The following SYT14 variants were observed in gnomAD, a reference collection of about 807,000 sequenced individuals.
SYT14 encodes synaptotagmin-14.
Under a neutral mutation model 74.2 loss-of-function variants are expected in SYT14, and 32 were observed. The ratio of observed to expected loss-of-function variants is 0.43; its 90% confidence interval spans 0.33 to 0.58. The LOEUF is 0.58. Among genes scored for constraint, SYT14 ranks in the 20% least tolerant of loss-of-function variants. SYT14 has a pLI of 0.05. For missense variants in SYT14, 791 were observed against 981.8 expected (o/e 0.81, Z 2.60); for synonymous variants, 298 against 337.7 (o/e 0.88, Z 1.29).
chr1:210,112,879 C>G (rs964329026), intron 7 of SYT14, among the ~76,000 whole-genome samples: 1 of 151,192 alleles, frequency 6.6e-6, no homozygotes, highest in Non-Finnish European at 1.5e-5. Flanking sequence ...AGAGTGAGGG[C>G]TCGAGTCAAG....
At chr1:209,979,144 TG>T (rs2079430381) in intron 2 of SYT14, among the ~76,000 whole-genome samples, 1 of 152,198 alleles carries the variant, frequency 6.6e-6, no homozygotes, top group East Asian at 1.9e-4. Flanking sequence ...CCTGACCCCT[TG>T]CGCTTCCTGG....
chr1:210,073,737 A>G (rs554255079), intron 5 of SYT14, among the ~76,000 whole-genome samples: 1 of 151,376 alleles, frequency 6.6e-6, no homozygotes, highest in Non-Finnish European at 1.5e-5. Context: ...GTTCTTTTCT[A>G]CTTCATAAAA....
intron 2 of SYT14, among the ~76,000 whole-genome samples, chr1:210,010,310 T>C (rs777285360): frequency 2.6e-5 from 4 of 152,134 alleles, no homozygotes; most frequent in Non-Finnish European, 5.9e-5. Flanking sequence ...ATTCATTCAT[T>C]CATCCATCCA....
chr1:210,009,547 C>A (rs1232571330), intron 2 of SYT14, among the ~76,000 whole-genome samples: 9 of 151,276 alleles, frequency 5.9e-5, no homozygotes, highest in Admixed American at 5.9e-4. Flanking sequence ...ATGTATTTAT[C>A]TAAAGATATG....
intron 5 of SYT14, among the ~76,000 whole-genome samples, chr1:210,086,990 C>A (rs2081747261): frequency 6.6e-6 from 1 of 152,124 alleles, no homozygotes; most frequent in African/African-American, 2.4e-5. Context: ...GCACACATGC[C>A]CCCTTCACTC....
exon 10 of SYT14, chr1:210,162,942 TAAAC>T (rs1248651920): frequency 4.0e-5 from 18 of 451,918 alleles, no homozygotes; most frequent in Non-Finnish European, 7.1e-5. Context: ...ATTTTTCAAA[TAAAC>T]AAGTAAGAGT....
At chr1:209,985,390 C>T (rs560858525) in intron 2 of SYT14, among the ~76,000 whole-genome samples, 5 of 152,248 alleles carry the variant, frequency 3.3e-5, no homozygotes, top group Non-Finnish European at 5.9e-5. Context: ...TTTGACTCCA[C>T]GTCCTATATT....
At chr1:209,979,221 C>G (rs1306238609) in intron 2 of SYT14, among the ~76,000 whole-genome samples, 3 of 152,198 alleles carry the variant, frequency 2.0e-5, no homozygotes, top group East Asian at 1.9e-4. Context: ...CCTGCACCCA[C>G]TTTCTGACAC....
intron 5 of SYT14, among the ~76,000 whole-genome samples, chr1:210,078,359 G>A (rs1426336711): frequency 2.1e-5 from 3 of 145,008 alleles, no homozygotes; most frequent in South Asian, 4.5e-4. Flanking sequence ...TCAGGGAACT[G>A]TAAATGGCCT....
At chr1:209,996,732 TC>T in intron 2 of SYT14, among the ~76,000 whole-genome samples, 1 of 152,180 alleles carries the variant, frequency 6.6e-6, no homozygotes, top group South Asian at 2.1e-4. Flanking sequence ...TACTAGCAAA[TC>T]TAATTCAGCA....
At chr1:210,047,092 A>G (rs566011162) in intron 5 of SYT14, among the ~76,000 whole-genome samples, 2 of 152,218 alleles carry the variant, frequency 1.3e-5, no homozygotes, top group Admixed American at 6.5e-5. Context: ...GTATAGTTAA[A>G]TAATTATTCT....
At position 210,065,319 on chromosome 1, in the gene SYT14, T is replaced by C. The variant is rs1336764784; in HGVS notation, c.1313-29003T>C. Among the ~76,000 whole-genome samples, 3 of 152,176 alleles carry C rather than the reference T, an allele frequency of 2.0e-5. No individual in the cohort carries two copies. In the East Asian group the frequency reaches 5.8e-4, roughly 29 times the overall value. ...TAATCATGGGGGCGGTTACCTCTCA[T>C]GCTGTTCTTGTGATACTGAATGAGT... On this transcript the variant is annotated intron_variant, in intron 5 of 9. Transcript: ENST00000637265.
chr1:210,158,863 C>T (rs1235545259), intron 8 of SYT14, among the ~76,000 whole-genome samples: 1 of 151,860 alleles, frequency 6.6e-6, no homozygotes, highest in Non-Finnish European at 1.5e-5. Context: ...GATTATAGCC[C>T]CTCATATATA....
At chr1:209,979,727 T>G (rs2079445660) in intron 2 of SYT14, among the ~76,000 whole-genome samples, 1 of 152,182 alleles carries the variant, frequency 6.6e-6, no homozygotes, top group Admixed American at 6.5e-5. Flanking sequence ...TTCCTGGGTT[T>G]GTTTGCTGAG....
chr1:210,002,135 T>G (rs1048412192), intron 2 of SYT14, among the ~76,000 whole-genome samples: 1 of 152,138 alleles, frequency 6.6e-6, no homozygotes, highest in Non-Finnish European at 1.5e-5. Flanking sequence ...CCATAAGAAC[T>G]ATACATTTTT....
intron 7 of SYT14, among the ~76,000 whole-genome samples, chr1:210,121,371 A>G (rs1000495888): frequency 6.6e-6 from 1 of 152,218 alleles, no homozygotes; most frequent in African/African-American, 2.4e-5. Flanking sequence ...ATCAGAAGGG[A>G]CATACCAAGC....
At chr1:210,127,987 G>A (rs569839258) in intron 7 of SYT14, among the ~76,000 whole-genome samples, 7 of 151,990 alleles carry the variant, frequency 4.6e-5, no homozygotes, top group Admixed American at 2.0e-4. Context: ...CCAATATCGC[G>A]CCATTGCACT....
chr1:210,043,494 A>T (rs1466144003), intron 5 of SYT14, among the ~76,000 whole-genome samples: 1 of 152,218 alleles, frequency 6.6e-6, no homozygotes, highest in African/African-American at 2.4e-5. Flanking sequence ...TTAATTGGAA[A>T]ATGTTGTTAT....
rs1358510756 is a variant in SYT14 at position 209,990,176 on chromosome 1, A to G, written c.-485-23457A>G. Among the ~76,000 whole-genome samples, 2 of 151,986 alleles carry G rather than the reference A, an allele frequency of 1.3e-5. 1 individual carries two copies. The highest frequency in any genetic ancestry group is 4.1e-4 in the South Asian group (2 of 4,826). ...AGAATTCATTTTCCCTCCACCTTTC[A>G]TCTGTTTTTGTACATTTTACAAAAT... On this transcript the variant is annotated intron_variant, in intron 2 of 9. Transcript: ENST00000637265.
Sources: allele counts gnomAD v4.1 joint callset (sites outside exome capture counted in the v4.1 genomes callset), GRCh38; gene constraint gnomAD v4.1.1; transcripts MANE v1.5; gene names NCBI Gene and HGNC (gene_info 2026-07-23, HGNC 2026-07-21).